P3H2: variants seen among roughly 807,000 people sequenced by gnomAD.
The protein encoded by P3H2 is leprecan-like 1.
P3H2 carries 80 observed loss-of-function variants against 87.0 expected under a neutral mutation model. The observed-to-expected ratio is 0.92, with a 90% CI of 0.77 to 1.11. The LOEUF (loss-of-function observed/expected upper bound fraction) is 1.11. P3H2 is among the 50% of genes least tolerant of loss of function. P3H2 has a pLI of 0.00. For missense variants in P3H2, 1,001 were observed against 923.9 expected (o/e 1.08, Z -1.08); for synonymous variants, 367 against 359.3 (o/e 1.02, Z -0.24).
chr3:190,008,676 T>C (rs949169510), intron 1 of P3H2, among the ~76,000 whole-genome samples: 2 of 152,210 alleles, frequency 1.3e-5, no homozygotes, highest in African/African-American at 4.8e-5. Context: ...CTTCCACATA[T>C]GGAGTCCTGC....
At chr3:189,986,953 A>T (rs544094746) in intron 5 of P3H2, 76 bp from the exon 6 acceptor site, 47 of 973,760 alleles carry the variant, frequency 4.8e-5, no homozygotes, top group Non-Finnish European at 6.6e-5. Context: ...TTCAGGTGGC[A>T]ATATTTTCAT....
At chr3:190,083,665 A>AT (rs1384038702) in intron 1 of P3H2, among the ~76,000 whole-genome samples, 1 of 152,210 alleles carries the variant, frequency 6.6e-6, no homozygotes, top group African/African-American at 2.4e-5. Context: ...GAGTATAAGA[A>AT]TCCCCTAGTC....
chr3:190,077,967 T>C (rs1726923995), intron 1 of P3H2, among the ~76,000 whole-genome samples: 1 of 152,202 alleles, frequency 6.6e-6, no homozygotes, highest in Non-Finnish European at 1.5e-5. Flanking sequence ...TATCATTAAA[T>C]TGAATAATTG....
At chr3:190,079,767 G>A (rs1275372159) in intron 1 of P3H2, among the ~76,000 whole-genome samples, 1 of 152,138 alleles carries the variant, frequency 6.6e-6, no homozygotes, top group African/African-American at 2.4e-5. Context: ...ATATTACAGT[G>A]GTGAGAACCT....
chr3:189,998,673 T>C (rs572120937), intron 1 of P3H2, among the ~76,000 whole-genome samples: 55 of 152,196 alleles, frequency 3.6e-4, no homozygotes, highest in Non-Finnish European at 6.6e-4. Flanking sequence ...ATGCTATGTC[T>C]TAGAAAAGAG....
intron 1 of P3H2, among the ~76,000 whole-genome samples, chr3:190,103,615 G>A (rs1188137977): frequency 6.6e-6 from 1 of 152,144 alleles, no homozygotes; most frequent in East Asian, 1.9e-4. Context: ...GAAAGGGCAG[G>A]CTGGTGGCAA....
Position 189,957,717 on chromosome 3 carries a change from AG to A in P3H2, c.*194del. 1.6e-6 allele frequency: 1 copy of A among 606,480 alleles called. No individual in the cohort carries two copies. The highest frequency in any genetic ancestry group is 1.9e-5 in the African/African-American group (1 of 53,940). 37.6% of individuals were successfully genotyped at this position (606,480 alleles called of 1,614,324 possible). Reference sequence around the variant, plus strand: ...TCTCTAAGAAGAGAGAGAGAGAGAGAGAGAGAGAAAACAACCCAAAACAAGA... The same window carrying A: ...TCTCTAAGAAGAGAGAGAGAGAGAGAAGAGAGAAAACAACCCAAAACAAGA... On this transcript the variant is annotated 3_prime_UTR_variant, in exon 15 of 15. Transcript: ENST00000319332.
chr3:189,986,443 G>T (rs1309784164), intron 6 of P3H2, among the ~76,000 whole-genome samples: 2 of 152,092 alleles, frequency 1.3e-5, no homozygotes, highest in African/African-American at 4.8e-5. Context: ...AAAAAAATTA[G>T]CTGGGCATTG....
At chr3:190,081,723 A>G (rs1379523454) in intron 1 of P3H2, among the ~76,000 whole-genome samples, 1 of 152,162 alleles carries the variant, frequency 6.6e-6, no homozygotes, top group Non-Finnish European at 1.5e-5. Context: ...ACTTCCTCAA[A>G]ACCCTTGAAT....
At chr3:189,983,925 C>A (rs1407907006) in intron 7 of P3H2, among the ~76,000 whole-genome samples, 1 of 151,620 alleles carries the variant, frequency 6.6e-6, no homozygotes, top group African/African-American at 2.4e-5. Flanking sequence ...AAATAATGAG[C>A]TTTCTTGGGG....
intron 1 of P3H2, among the ~76,000 whole-genome samples, chr3:190,059,923 C>G (rs1726283700): frequency 6.6e-6 from 1 of 152,124 alleles, no homozygotes; most frequent in Non-Finnish European, 1.5e-5. Context: ...GTGTGTTACG[C>G]TGGGAAACTC....
intron 13 of P3H2, among the ~76,000 whole-genome samples, chr3:189,965,376 G>C (rs1306392246): frequency 2.6e-5 from 4 of 152,120 alleles, no homozygotes; most frequent in African/African-American, 9.7e-5. Flanking sequence ...ATGTGTGTGT[G>C]TTTATGTCTG....
rs528288254 is a variant in P3H2, at chr3:190,115,837, CCT to C, written c.480+4413_480+4414del. ...TCAACAAACATACACTGAACCACCC[CCT>C]GTTTTAGGTATTTGGAGGGAAGATG... On this transcript the variant is annotated intron_variant, in intron 1 of 14. Coordinates refer to ENST00000319332, the MANE Select transcript of P3H2 (RefSeq NM_018192.4). Among the ~76,000 whole-genome samples the C allele has an allele frequency of 2.4e-3, 360 of 152,250 alleles. 1 individual carries two copies. The highest frequency in any genetic ancestry group is 7.0e-3 in the African/African-American group (292 of 41,526).
intron 1 of P3H2, among the ~76,000 whole-genome samples, chr3:190,095,447 A>C (rs1375005797): frequency 4.7e-5 from 7 of 149,490 alleles, no homozygotes; most frequent in Admixed American, 1.3e-4. Context: ...CAATGTAAGC[A>C]AACCAAAAAA....
Position 189,957,965 on chromosome 3 carries a change from G to A in P3H2, c.2074C>T (p.Gln692Ter). ...AGTTCATGCTTCCCTTGCTGTTCTT[G>A]ATCCAGAATTGCAATCACTTCATCA... Reference protein sequence around the residue: ...QADEVIAILDQEQQGKHELNI... With the variant: ...QADEVIAILD Residue 692 changes from glutamine to a stop codon, truncating the protein, a stop_gained, in exon 15 of 15, where the codon CAA becomes TAA. Coordinates refer to ENST00000319332, the MANE Select transcript of P3H2 (RefSeq NM_018192.4). LOFTEE classifies it high-confidence loss of function. The A allele has an allele frequency of 6.2e-7, 1 of 1,613,800 alleles. No homozygotes were observed. Among genetic ancestry groups the A allele is most frequent in the Non-Finnish European group, 8.5e-7 (1 of 1,179,784 alleles).
rs1296052053 is a variant in P3H2 at position 190,054,168 on chromosome 3, AC to A, written c.481-58727del. Among the ~76,000 whole-genome samples, 15 of 152,072 alleles carry A rather than the reference AC, an allele frequency of 9.9e-5. No individual in the cohort carries two copies. The Middle Eastern group carries it at 0.014, about 138-fold the overall frequency. On this transcript the variant is annotated intron_variant, in intron 1 of 14. Coordinates refer to ENST00000319332, the MANE Select transcript of P3H2 (RefSeq NM_018192.4). ...AAATAATGCCTAATCAGAACCCTCC[AC>A]CCCCACCTATAGTTTATTTTCTAAA... is the stretch of plus-strand genomic sequence containing the variant.
chr3:190,019,139 T>C (rs530363198), intron 1 of P3H2, among the ~76,000 whole-genome samples: 2 of 152,180 alleles, frequency 1.3e-5, no homozygotes, highest in Non-Finnish European at 2.9e-5. Flanking sequence ...CTTTTCTGAC[T>C]TGGCATTTAA....
chr3:190,071,911 A>G (rs1185148193), intron 1 of P3H2, among the ~76,000 whole-genome samples: 1 of 152,070 alleles, frequency 6.6e-6, no homozygotes, highest in Non-Finnish European at 1.5e-5. Flanking sequence ...GACATAAACA[A>G]TGAGCAAGAA....
intron 1 of P3H2, among the ~76,000 whole-genome samples, chr3:190,045,030 A>G (rs1029594953): frequency 1.3e-5 from 2 of 152,234 alleles, no homozygotes; most frequent in East Asian, 3.9e-4. Context: ...GTATTTAATA[A>G]CAATTGAGCT....
Sources: gnomAD v4.1 joint callset for allele counts (sites outside exome capture counted in the v4.1 genomes callset) on GRCh38, gnomAD v4.1.1 for gene constraint, MANE v1.5 for transcripts, NCBI Gene and HGNC (gene_info 2026-07-23, HGNC 2026-07-21) for gene names.